The following WAC variants were observed in gnomAD, a reference collection of about 807,000 sequenced individuals.
WAC encodes the protein WW domain containing adaptor with coiled-coil.
In WAC, 11 loss-of-function variants were observed where a neutral mutation model predicts 79.6. The ratio of observed to expected loss-of-function variants is 0.14; its 90% CI spans 0.09 to 0.23. The LOEUF is 0.23. Among genes scored for constraint, WAC ranks in the 10% least tolerant of loss-of-function variants. WAC has a pLI of 1.00. For synonymous variants in WAC, 304 were observed against 276.9 expected, an observed-to-expected ratio of 1.10 and a Z score of -0.97; for missense variants, 728 against 773.5, an observed-to-expected ratio of 0.94 and a Z score of 0.70.
intron 3 of WAC, among the ~76,000 whole-genome samples, chr10:28,567,985 A>G (rs943010562): frequency 6.6e-6 from 1 of 152,086 alleles, no homozygotes; most frequent in African/African-American, 2.4e-5. Flanking sequence ...TGATCCGCCC[A>G]CCCTGGCCTC....
intron 3 of WAC, among the ~76,000 whole-genome samples, chr10:28,559,316 G>A (rs1159034996): frequency 6.6e-6 from 1 of 152,170 alleles, no homozygotes; most frequent in African/African-American, 2.4e-5. Flanking sequence ...CTAAGCCTGT[G>A]GCTTTGGGAG....
chr10:28,543,371 C>T (rs945462591), intron 3 of WAC, among the ~76,000 whole-genome samples: 1 of 152,138 alleles, frequency 6.6e-6, no homozygotes, highest in Non-Finnish European at 1.5e-5. Context: ...TAATTGATAC[C>T]TTAAAAACTA....
intron 7 of WAC, among the ~76,000 whole-genome samples, chr10:28,602,418 T>C (rs971562279): frequency 6.6e-6 from 1 of 152,236 alleles, no homozygotes; most frequent in Non-Finnish European, 1.5e-5. Context: ...TTAGGTGTTG[T>C]CACCTACCTA....
chr10:28,568,711 A>T (rs1838785371), intron 3 of WAC, among the ~76,000 whole-genome samples: 1 of 152,104 alleles, frequency 6.6e-6, no homozygotes. Context: ...ACCCCACGAC[A>T]GGCCCTGGTG....
intron 3 of WAC, among the ~76,000 whole-genome samples, chr10:28,579,702 C>T (rs1371761236): frequency 6.6e-6 from 1 of 152,132 alleles, no homozygotes; most frequent in African/African-American, 2.4e-5. Context: ...GTTTGTTCTT[C>T]TACTTGTGTA....
At chr10:28,534,250 C>T (rs1286430481) in intron 2 of WAC, 2 of 440,964 alleles carry the variant, frequency 4.5e-6, no homozygotes, top group Admixed American at 8.5e-5. Context: ...GGAGGGAGTT[C>T]GCTGATTTAG....
chr10:28,594,968 G>C (rs1175620079), intron 6 of WAC, among the ~76,000 whole-genome samples: 1 of 152,130 alleles, frequency 6.6e-6, no homozygotes, highest in Non-Finnish European at 1.5e-5. Flanking sequence ...CAGTATTTCT[G>C]AGCTTAAAGT....
intron 3 of WAC, among the ~76,000 whole-genome samples, chr10:28,556,670 C>G (rs1186202131): frequency 3.3e-5 from 5 of 151,836 alleles, no homozygotes; most frequent in Admixed American, 2.6e-4. Context: ...CCTATGTTTT[C>G]TTGTGGGAGT....
intron 7 of WAC, among the ~76,000 whole-genome samples, chr10:28,606,597 G>A (rs894665243): frequency 1.3e-5 from 2 of 152,086 alleles, no homozygotes; most frequent in African/African-American, 4.8e-5. Flanking sequence ...TAGTTCTTTC[G>A]ACCATTATAG....
At chr10:28,532,930 G>A (rs563573257), upstream of WAC, 2 of 153,280 alleles carry the variant, frequency 1.3e-5, no homozygotes, top group African/African-American at 4.8e-5. Flanking sequence ...CGCGAGTGAG[G>A]AAAAGAAGGA....
chr10:28,552,451 A>G (rs1837732164), intron 3 of WAC, among the ~76,000 whole-genome samples: 1 of 152,178 alleles, frequency 6.6e-6, no homozygotes, highest in Non-Finnish European at 1.5e-5. Context: ...AATATCATTA[A>G]TGTTGCTGTC....
chr10:28,586,577 T>C (rs920018851), intron 4 of WAC, among the ~76,000 whole-genome samples: 10 of 152,094 alleles, frequency 6.6e-5, no homozygotes, highest in African/African-American at 2.4e-4. Context: ...TCCCAACTAC[T>C]TGGAAGGCTG....
chr10:28,602,158 A>T (rs1304556852), intron 7 of WAC, among the ~76,000 whole-genome samples: 1 of 152,174 alleles, frequency 6.6e-6, no homozygotes, highest in African/African-American at 2.4e-5. Context: ...CAACAATTGA[A>T]TGTTGGGAAG....
At chr10:28,596,649 A>T (rs2132714076) in intron 7 of WAC, among the ~76,000 whole-genome samples, 1 of 152,348 alleles carries the variant, frequency 6.6e-6, no homozygotes, top group East Asian at 1.9e-4. Context: ...GGAAGGTGTG[A>T]CACAACATAA....
intron 7 of WAC, among the ~76,000 whole-genome samples, chr10:28,607,778 T>TA (rs1395234456): frequency 6.6e-6 from 1 of 152,224 alleles, no homozygotes; most frequent in African/African-American, 2.4e-5. Flanking sequence ...TTTTTCACCT[T>TA]ATTTCATGAG....
chr10:28,579,492 A>C (rs1417721830), intron 3 of WAC, among the ~76,000 whole-genome samples: 5 of 152,208 alleles, frequency 3.3e-5, no homozygotes, highest in Admixed American at 3.3e-4. Flanking sequence ...CAGAAGTCTT[A>C]CTATATTCTT....
At chr10:28,571,636 G>T (rs140989408) in intron 3 of WAC, among the ~76,000 whole-genome samples, 4 of 152,222 alleles carry the variant, frequency 2.6e-5, no homozygotes, top group Admixed American at 1.3e-4. Context: ...AGATGAAAGC[G>T]CAGCATGTAC....
chr10:28,602,469 A>G (rs1025353956), intron 7 of WAC, among the ~76,000 whole-genome samples: 1 of 152,168 alleles, frequency 6.6e-6, no homozygotes, highest in African/African-American at 2.4e-5. Flanking sequence ...ACCTCTTCAT[A>G]ATCTGCTCTA....
Position 28,596,451 on chromosome 10 carries a change from A to G in WAC, c.919+410A>G, listed in dbSNP as rs867248456. On this transcript the variant is annotated intron_variant, in intron 7 of 13. Coordinates refer to ENST00000354911, the MANE Select transcript of WAC (RefSeq NM_016628.5). ...ACTAATGTCTGTATAACATTTCATT[A>G]TTGGTTTCAGTTTGTGATTAGAAAA... Among the ~76,000 whole-genome samples, 14 of 152,296 alleles carry G rather than the reference A, an allele frequency of 9.2e-5. 1 individual carries two copies. In the Middle Eastern group the frequency reaches 0.01, roughly 111 times the overall value.
Sources: gnomAD v4.1 joint callset for allele counts (sites outside exome capture counted in the v4.1 genomes callset) on GRCh38, gnomAD v4.1.1 for gene constraint, MANE v1.5 for transcripts, NCBI Gene and HGNC (gene_info 2026-07-23, HGNC 2026-07-21) for gene names.